TNRC6B: variants seen among roughly 807,000 people sequenced by gnomAD.
TNRC6B encodes the protein trinucleotide repeat containing adaptor 6B.
TNRC6B carries 52 observed loss-of-function variants against 203.6 expected under a neutral mutation model. That is an observed-to-expected ratio of 0.26 (90% CI 0.20 to 0.32). The LOEUF (loss-of-function observed/expected upper bound fraction) is 0.32, where lower values mean the gene tolerates loss of function less well. Among genes scored for constraint, TNRC6B ranks in the 10% least tolerant of loss-of-function variants. TNRC6B has a pLI of 1.00. For missense variants in TNRC6B, 1,923 were observed against 2,286.2 expected, an observed-to-expected ratio of 0.84 and a Z score of 3.24; for synonymous variants, 838 against 845.7, an observed-to-expected ratio of 0.99 and a Z score of 0.16.
At chr22:40,156,631 T>G (rs965918205) in intron 4 of TNRC6B, among the ~76,000 whole-genome samples, 5 of 152,198 alleles carry the variant, frequency 3.3e-5, no homozygotes, top group Admixed American at 6.5e-5. Flanking sequence ...ACTGCTGATC[T>G]TTGTTTAAAT....
At chr22:40,195,210 T>C (rs551519918) in intron 1 of TNRC6B, among the ~76,000 whole-genome samples, 1 of 152,326 alleles carries the variant, frequency 6.6e-6, no homozygotes, top group East Asian at 1.9e-4. Flanking sequence ...GTAAACAAAT[T>C]ATAATGGTTT....
At chr22:40,060,883 A>T (rs575071190) in intron 1 of TNRC6B, among the ~76,000 whole-genome samples, 1 of 152,176 alleles carries the variant, frequency 6.6e-6, no homozygotes, top group African/African-American at 2.4e-5. Context: ...GCATGAACCA[A>T]AATTTCAGGC....
In TNRC6B at chr22:40,266,247, A is replaced by C. The variant is rs753397974; in HGVS notation, c.2017A>C (p.Ser673Arg). Reference protein sequence around the residue: ...SGGWGDAPSQSNQMKSGWGEL... With the variant: ...SGGWGDAPSQRNQMKSGWGEL... The stretch of plus-strand genomic sequence containing the variant: ...GGGCTGGGGAGATGCACCCAGCCAA[A>C]GCAATCAAATGAAGTCTGGATGGGG... The change falls in exon 5 of 23, where the codon AGC (serine) becomes CGC (arginine). Residue 673 changes from serine to arginine, a missense_variant. This residue lies in a region of TNRC6B where 599 missense variants were observed against 656.5 expected (regional missense o/e 0.91). Transcript: ENST00000454349. 1.3e-6 allele frequency: 2 copies of C among 1,599,910 alleles called. No individual in the cohort carries two copies. The highest frequency in any genetic ancestry group is 1.7e-6 in the Non-Finnish European group (2 of 1,172,778).
At chr22:40,109,904 A>G (rs2068318215) in intron 1 of TNRC6B, among the ~76,000 whole-genome samples, 1 of 152,164 alleles carries the variant, frequency 6.6e-6, no homozygotes, top group Non-Finnish European at 1.5e-5. Flanking sequence ...GAAATGAGAG[A>G]TTTTTAGACT....
intron 3 of TNRC6B, among the ~76,000 whole-genome samples, chr22:40,131,392 C>T (rs1365116785): frequency 7.0e-6 from 1 of 143,026 alleles, no homozygotes; most frequent in Admixed American, 6.8e-5. Context: ...ACTTTGACCT[C>T]TTGAGTTTAG....
chr22:40,093,782 GTTGT>G (rs1281996347), intron 1 of TNRC6B, among the ~76,000 whole-genome samples: 1 of 152,220 alleles, frequency 6.6e-6, no homozygotes, highest in East Asian at 1.9e-4. Context: ...AGTGAACTGT[GTTGT>G]TTAACTTCTC....
chr22:40,056,056 CTCTT>C (rs1193500106), intron 1 of TNRC6B, among the ~76,000 whole-genome samples: 1 of 152,152 alleles, frequency 6.6e-6, no homozygotes, highest in Non-Finnish European at 1.5e-5. Context: ...TTTTCAATGT[CTCTT>C]TCCTTTTCTG....
chr22:40,182,502 G>A (rs2069147439), intron 1 of TNRC6B, among the ~76,000 whole-genome samples: 1 of 152,166 alleles, frequency 6.6e-6, no homozygotes, highest in Non-Finnish European at 1.5e-5. Context: ...CCAGAAAAGG[G>A]ATTTATTTAA....
intron 3 of TNRC6B, among the ~76,000 whole-genome samples, chr22:40,251,642 C>T (rs1350591626): frequency 2.6e-5 from 4 of 151,776 alleles, no homozygotes. Context: ...TCGCTTGAAC[C>T]TGGGAGGCAG....
At chr22:40,233,179 C>T (rs1383128014) in intron 1 of TNRC6B, among the ~76,000 whole-genome samples, 1 of 151,766 alleles carries the variant, frequency 6.6e-6, no homozygotes, top group African/African-American at 2.4e-5. Flanking sequence ...AGAAATTAGC[C>T]AGGTGTGGTG....
At chr22:40,263,777 A>G (rs5757899) in intron 4 of TNRC6B, among the ~76,000 whole-genome samples, 49,173 of 152,082 alleles carry the variant, frequency 0.32, 9,626 homozygotes, top group East Asian at 0.57. Context: ...ATTCATACTC[A>G]TGTGACACCC....
At chr22:40,121,583 C>G (rs2068446016) in intron 2 of TNRC6B, among the ~76,000 whole-genome samples, 1 of 152,220 alleles carries the variant, frequency 6.6e-6, no homozygotes, top group Non-Finnish European at 1.5e-5. Flanking sequence ...TGCCCTATTC[C>G]CTTTGCTGAG....
At chr22:40,226,686 G>C (rs1275890448) in intron 1 of TNRC6B, among the ~76,000 whole-genome samples, 1 of 152,180 alleles carries the variant, frequency 6.6e-6, no homozygotes, top group Non-Finnish European at 1.5e-5. Flanking sequence ...ATGTATCATT[G>C]TTTGAATTCA....
chr22:40,317,135 C>A (rs1569067870), intron 21 of TNRC6B, among the ~76,000 whole-genome samples: 1 of 152,182 alleles, frequency 6.6e-6, no homozygotes, highest in Non-Finnish European at 1.5e-5. Context: ...CAACTAAGTT[C>A]TTTGTTTCTT....
chr22:40,132,943 C>CAAAAATAAAAAATAAAAAA (rs1292227314), intron 3 of TNRC6B, among the ~76,000 whole-genome samples: 3 of 23,870 alleles, frequency 1.3e-4, no homozygotes, highest in Admixed American at 7.9e-4. Flanking sequence ...GACTCTGTCT[C>CAAAAATAAAAAATAAAAAA]AAAAAAAAAA....
At chr22:40,086,567 T>C (rs1014340329) in intron 1 of TNRC6B, among the ~76,000 whole-genome samples, 2 of 152,326 alleles carry the variant, frequency 1.3e-5, no homozygotes, top group African/African-American at 2.4e-5. Flanking sequence ...GCTCTCGTTC[T>C]TTTCAGCAGG....
At chr22:40,221,194 C>T (rs934485241) in intron 1 of TNRC6B, among the ~76,000 whole-genome samples, 2 of 152,062 alleles carry the variant, frequency 1.3e-5, no homozygotes, top group African/African-American at 2.4e-5. Context: ...CACAGCATGG[C>T]GGGTAGTTTC....
chr22:40,077,676 T>G (rs2068029170), intron 1 of TNRC6B, among the ~76,000 whole-genome samples: 1 of 152,198 alleles, frequency 6.6e-6, no homozygotes, highest in African/African-American at 2.4e-5. Context: ...ATATTTATTG[T>G]AGACAAATTC....
At chr22:40,198,336 A>AAAAT (rs1205105701) in intron 1 of TNRC6B, among the ~76,000 whole-genome samples, 1 of 152,176 alleles carries the variant, frequency 6.6e-6, no homozygotes, top group Non-Finnish European at 1.5e-5. Flanking sequence ...TATTCTTTAA[A>AAAAT]AAATACATTT....
Sources: gnomAD v4.1 joint callset for allele counts (sites outside exome capture counted in the v4.1 genomes callset) on GRCh38, gnomAD v4.1.1 for gene constraint, gnomAD v4.1.1 regional missense constraint, MANE v1.5 for transcripts, NCBI Gene and HGNC (gene_info 2026-07-23, HGNC 2026-07-21) for gene names.